Variants in DIS3L2 observed in about 807,000 individuals in gnomAD.
The protein encoded by DIS3L2 is DIS3-like exonuclease 2.
Under a neutral mutation model 97.5 loss-of-function variants are expected in DIS3L2, and 34 were observed. The ratio of observed to expected loss-of-function variants is 0.35; its 90% CI spans 0.27 to 0.46. The LOEUF (loss-of-function observed/expected upper bound fraction) is 0.46. DIS3L2 is among the 20% of genes least tolerant of loss of function. The pLI, the probability that DIS3L2 is intolerant of heterozygous loss-of-function variation, is 1.00. For missense variants in DIS3L2, 1,038 were observed against 1,146.0 expected, an observed-to-expected ratio of 0.91 and a Z score of 1.36; for synonymous variants, 435 against 445.2, an observed-to-expected ratio of 0.98 and a Z score of 0.29.
chr2:232,301,814 A>T (rs1575004556), intron 14 of DIS3L2, among the ~76,000 whole-genome samples: 1 of 146,632 alleles, frequency 6.8e-6, no homozygotes, highest in African/African-American at 2.5e-5. Context: ...TTTGACTGTG[A>T]GAAGAGAAAA....
intron 4 of DIS3L2, 33 bp from the exon 5 acceptor site, chr2:232,029,946 C>T (rs202194655): frequency 6.7e-7 from 1 of 1,497,354 alleles, no homozygotes; most frequent in African/African-American, 1.4e-5. Flanking sequence ...TGTTTTTAAG[C>T]TCACTATTGT....
chr2:232,238,674 C>G, intron 11 of DIS3L2, 29 bp downstream of exon 11: 1 of 1,578,102 alleles, frequency 6.3e-7, no homozygotes, highest in Non-Finnish European at 8.7e-7. Context: ...TTTCTTTTTT[C>G]TTGCTTTGTT....
chr2:232,267,494 G>A (rs1276004235), intron 13 of DIS3L2, among the ~76,000 whole-genome samples: 2 of 152,184 alleles, frequency 1.3e-5, no homozygotes, highest in Non-Finnish European at 2.9e-5. Flanking sequence ...GTTTTCTGCT[G>A]CTAAGTTAAT....
At position 232,084,856 on chromosome 2, in the gene DIS3L2, A is replaced by G. The variant is rs529871223; in HGVS notation, c.367-2631A>G. 1.2e-4 allele frequency among the ~76,000 whole-genome samples: 18 copies of G among 151,128 alleles called. No homozygotes were observed. The East Asian group carries it at 3.1e-3, about 26-fold the overall frequency. The stretch of plus-strand genomic sequence containing the variant: ...CTATTACTATATTTTTATGGAGTCA[A>G]TTTTTACAAACTGAGGATATATTCT... On this transcript the variant is annotated intron_variant, in intron 5 of 20. Transcript: ENST00000325385.
intron 20 of DIS3L2, chr2:232,336,214 T>G: frequency 6.5e-7 from 1 of 1,536,732 alleles, no homozygotes; most frequent in Middle Eastern, 1.7e-4. Context: ...TCACCAACAG[T>G]GTGCCCTGAA....
intron 13 of DIS3L2, 56 bp downstream of exon 13, chr2:232,263,496 C>T (rs956678393): frequency 5.2e-6 from 8 of 1,544,360 alleles, no homozygotes; most frequent in Admixed American, 3.5e-5. Context: ...CTGAACCCAG[C>T]GTGGATGAGC....
At chr2:232,285,934 T>C (rs975754540) in intron 13 of DIS3L2, among the ~76,000 whole-genome samples, 38 of 152,232 alleles carry the variant, frequency 2.5e-4, no homozygotes, top group Admixed American at 3.9e-4. Flanking sequence ...GACAATATGA[T>C]TGTTAAACAA....
At chr2:232,090,811 A>G (rs889405734) in intron 6 of DIS3L2, among the ~76,000 whole-genome samples, 2 of 152,212 alleles carry the variant, frequency 1.3e-5, no homozygotes, top group African/African-American at 4.8e-5. Flanking sequence ...CAAATGCTCT[A>G]TATTGCATGT....
chr2:232,169,979 G>T (rs1392007161), intron 9 of DIS3L2, among the ~76,000 whole-genome samples: 2 of 152,182 alleles, frequency 1.3e-5, no homozygotes, highest in Admixed American at 1.3e-4. Context: ...ACTCCTAGGG[G>T]CGATATAGCC....
intron 1 of DIS3L2, among the ~76,000 whole-genome samples, chr2:232,011,182 G>T (rs1435103256): frequency 1.3e-5 from 2 of 152,152 alleles, no homozygotes; most frequent in Non-Finnish European, 2.9e-5. Context: ...CTAGGGACCA[G>T]TGGGCTGTTG....
chr2:232,240,266 C>T (rs537334707), intron 11 of DIS3L2, among the ~76,000 whole-genome samples: 7 of 152,326 alleles, frequency 4.6e-5, no homozygotes. Flanking sequence ...CTCCAGGAGA[C>T]TTGTACAGCC....
At chr2:232,335,642 C>T in intron 19 of DIS3L2, 131 bp from the exon 20 acceptor site, 1 of 1,025,980 alleles carries the variant, frequency 9.7e-7, no homozygotes, top group Non-Finnish European at 1.4e-6. Flanking sequence ...CCCTGAAGCT[C>T]CCTCCAGCCA....
intron 6 of DIS3L2, among the ~76,000 whole-genome samples, chr2:232,125,338 A>T (rs1477704167): frequency 6.6e-6 from 1 of 152,202 alleles, no homozygotes; most frequent in African/African-American, 2.4e-5. Context: ...AATATTCAGG[A>T]TGCTCACTGG....
intron 7 of DIS3L2, 37 bp from the exon 8 acceptor site, chr2:232,136,435 A>G: frequency 6.2e-7 from 1 of 1,607,866 alleles, no homozygotes; most frequent in East Asian, 2.2e-5. Context: ...TCAGTTCTGC[A>G]GATAAACAAC....
At chr2:232,099,755 A>G (rs993986442) in intron 6 of DIS3L2, among the ~76,000 whole-genome samples, 5 of 152,134 alleles carry the variant, frequency 3.3e-5, no homozygotes, top group Non-Finnish European at 5.9e-5. Flanking sequence ...TCCCTATTAT[A>G]CTAATTGGTC....
intron 5 of DIS3L2, among the ~76,000 whole-genome samples, chr2:232,086,667 GTGTGTGTGTGTA>G (rs1696657743): frequency 2.7e-5 from 1 of 36,806 alleles, no homozygotes; most frequent in Non-Finnish European, 6.0e-5. Flanking sequence ...ATATGTGTGT[GTGTGTGTGTGTA>G]TATATATATT....
chr2:232,192,450 T>A (rs1691640002), intron 9 of DIS3L2, among the ~76,000 whole-genome samples: 1 of 152,306 alleles, frequency 6.6e-6, no homozygotes, highest in South Asian at 2.1e-4. Flanking sequence ...ATTAAAAAAA[T>A]AAATCAGAAG....
intron 6 of DIS3L2, among the ~76,000 whole-genome samples, chr2:232,121,609 T>C (rs569144235): frequency 6.6e-6 from 1 of 152,296 alleles, no homozygotes; most frequent in East Asian, 1.9e-4. Flanking sequence ...TGGCTCCTCA[T>C]CAATCTATAG....
At chr2:232,115,560 G>A (rs1697680987) in intron 6 of DIS3L2, among the ~76,000 whole-genome samples, 2 of 152,188 alleles carry the variant, frequency 1.3e-5, no homozygotes, top group Non-Finnish European at 2.9e-5. Flanking sequence ...TTGGCTCTGT[G>A]TTCCCACCCA....
Sources: gnomAD v4.1 joint callset for allele counts (sites outside exome capture counted in the v4.1 genomes callset) on GRCh38, gnomAD v4.1.1 for gene constraint, MANE v1.5 for transcripts, NCBI Gene and HGNC (gene_info 2026-07-23, HGNC 2026-07-21) for gene names.